The following CASZ1 variants were observed in gnomAD, a reference collection of about 807,000 sequenced individuals.
CASZ1 encodes the protein zinc finger protein castor homolog 1.
CASZ1 carries 28 observed loss-of-function variants against 135.2 expected under a neutral mutation model. The observed-to-expected ratio is 0.21, with a 90% confidence interval of 0.15 to 0.28. CASZ1 has a LOEUF of 0.28. Among genes scored for constraint, CASZ1 ranks in the 10% least tolerant of loss-of-function variants. The pLI, the probability that CASZ1 is intolerant of heterozygous loss-of-function variation, is 1.00. For synonymous variants in CASZ1, 1,068 were observed against 1,073.4 expected, an observed-to-expected ratio of 0.99 and a Z score of 0.10; for missense variants, 2,161 against 2,453.3, an observed-to-expected ratio of 0.88 and a Z score of 2.52.
chr1:10,640,054 T>C lies in CASZ1; in HGVS notation c.4168A>G (p.Thr1390Ala), dbSNP rs1642150018. Residue 1390 changes from threonine (T) to alanine (A), a missense_variant, in exon 21 of 21, where the codon ACC becomes GCC. Physicochemically the swap from Thr to Ala is moderately conservative, Grantham distance 58. Coordinates refer to ENST00000377022, the MANE Select transcript of CASZ1 (RefSeq NM_001079843.3). ...CCCGAGGCTGTCGGCATAGAGATGG[T>C]GTTCCCTGGGGAGGGGCAGGGAGGT... The part of the protein sequence containing the change: ...VGNESTAAGN[T>A]ISMPTASGAK... 6.2e-7 allele frequency: 1 copy of C among 1,605,306 alleles called. No individual in the cohort carries two copies. The highest frequency in any genetic ancestry group is 1.3e-5 in the African/African-American group (1 of 74,890).
chr1:10,674,540 A>C (rs1461544893), intron 4 of CASZ1, among the ~76,000 whole-genome samples: 3 of 152,250 alleles, frequency 2.0e-5, no homozygotes, highest in African/African-American at 7.2e-5. Context: ...TCATCACTTC[A>C]GCGTCTTCCC....
Position 10,639,167 on chromosome 1 carries a change from C to T in CASZ1, c.5055G>A (p.Pro1685=). ...QEDEEEELEL[P]EEEAEDDEDE... is the part of the protein sequence containing the mutation. ...CCTCGTCGTCTTCGGCCTCCTCCTC[C>T]GGCAGCTCCAGCTCCTCCTCCTCGT... is the stretch of plus-strand genomic sequence containing the variant. Residue 1685 remains proline (P), a synonymous_variant, in exon 21 of 21, where the codon CCG becomes CCA. Coordinates refer to ENST00000377022, the MANE Select transcript of CASZ1 (RefSeq NM_001079843.3). This position sits in a 1 kb window ranked among gnomAD's most constrained non-coding sequence, Gnocchi z 4.0. The T allele has an allele frequency of 1.9e-6, 2 of 1,052,570 alleles. No individual in the cohort carries two copies. Among genetic ancestry groups the T allele is most frequent in the Non-Finnish European group, 2.3e-6 (2 of 860,850 alleles). 65.2% of individuals were successfully genotyped at this position (1,052,570 alleles called of 1,614,324 possible).
chr1:10,786,632 T>C (rs142078608), intron 1 of CASZ1, among the ~76,000 whole-genome samples: 3 of 152,346 alleles, frequency 2.0e-5, no homozygotes, highest in South Asian at 2.1e-4. Context: ...AGGTAGGTAC[T>C]ATTATGCCCA....
chr1:10,705,237 C>T (rs1211667971), intron 3 of CASZ1, among the ~76,000 whole-genome samples: 1 of 152,252 alleles, frequency 6.6e-6, no homozygotes, highest in African/African-American at 2.4e-5. Flanking sequence ...ACGTTCCTTC[C>T]CCAAAGTCTG....
intron 2 of CASZ1, among the ~76,000 whole-genome samples, chr1:10,715,532 G>A (rs1272847589): frequency 3.0e-4 from 31 of 101,732 alleles, no homozygotes; most frequent in Non-Finnish European, 3.7e-4. Context: ...CACCCAATCC[G>A]CCCCCCACAG....
intron 1 of CASZ1, among the ~76,000 whole-genome samples, chr1:10,793,781 C>T (rs1335967141): frequency 1.3e-5 from 2 of 152,094 alleles, no homozygotes; most frequent in Non-Finnish European, 2.9e-5. Flanking sequence ...GAGATGGTGG[C>T]TACCTCCTGG....
intron 1 of CASZ1, among the ~76,000 whole-genome samples, chr1:10,786,068 C>T (rs1318704260): frequency 2.6e-5 from 4 of 152,210 alleles, no homozygotes; most frequent in African/African-American, 9.6e-5. Flanking sequence ...CCTCCATCTG[C>T]GAGGCGCTCT....
chr1:10,780,848 A>G (rs17035713), intron 1 of CASZ1, among the ~76,000 whole-genome samples: 16,186 of 152,204 alleles, frequency 0.11, 1,333 homozygotes, highest in East Asian at 0.43. Flanking sequence ...TGCCAGGTAC[A>G]ATGGGAATCG....
chr1:10,652,070 A>G (rs1642610376), intron 11 of CASZ1: 1 of 152,238 alleles, frequency 6.6e-6, no homozygotes, highest in African/African-American at 2.4e-5. Flanking sequence ...TGGGCCTGTG[A>G]GAGTTTTCAG....
intron 1 of CASZ1, among the ~76,000 whole-genome samples, chr1:10,783,098 G>A (rs993898917): frequency 5.9e-5 from 9 of 152,212 alleles, no homozygotes; most frequent in East Asian, 1.9e-4. Context: ...GGCAATGTCC[G>A]GGAATCAACA....
chr1:10,672,083 C>T (rs1330895230), intron 4 of CASZ1, among the ~76,000 whole-genome samples: 1 of 152,210 alleles, frequency 6.6e-6, no homozygotes, highest in Non-Finnish European at 1.5e-5. Context: ...GCCCAGGCCA[C>T]CTCCTTTCCC....
In CASZ1 at chr1:10,692,652, C is replaced by T. The variant is rs559585691; in HGVS notation, c.16+1222G>A. Among the ~76,000 whole-genome samples, 11 of 152,342 alleles carry T rather than the reference C, an allele frequency of 7.2e-5. No homozygotes were observed. The East Asian group carries it at 2.1e-3, about 29-fold the overall frequency. On this transcript the variant is annotated intron_variant, in intron 4 of 20. Coordinates refer to ENST00000377022, the MANE Select transcript of CASZ1 (RefSeq NM_001079843.3). Reference sequence around the variant, plus strand: ...GGTGTCACACAGTCCTCAAACTCTGCAAATGACACCTCCCCCCAACAAACA... The same window carrying T: ...GGTGTCACACAGTCCTCAAACTCTGTAAATGACACCTCCCCCCAACAAACA...
intron 2 of CASZ1, among the ~76,000 whole-genome samples, chr1:10,742,632 A>G (rs963022707): frequency 2.6e-5 from 4 of 152,240 alleles, no homozygotes; most frequent in Non-Finnish European, 4.4e-5. Context: ...GTCAGGGTCA[A>G]GCCCTTATCT....
In CASZ1 at chr1:10,654,040, C is replaced by T. The variant is rs143974084; in HGVS notation, c.2017G>A (p.Ala673Thr). Residue 673 changes from alanine (A) to threonine (T), a missense_variant, in exon 11 of 21, where the codon GCC becomes ACC. Ala to Thr is a moderately conservative substitution (Grantham distance 58). Around this residue, in one of 7 missense-constraint regions of CASZ1, gnomAD observed 248 missense variants for 410.8 expected, o/e 0.60. Coordinates refer to ENST00000377022, the MANE Select transcript of CASZ1 (RefSeq NM_001079843.3). ...KATNHFHCIR[A>T]GCGFTFTSTS... The stretch of plus-strand genomic sequence containing the variant: ...GAGGTGAAGGTGAAGCCGCAGCCGG[C>T]GCGGATGCAGTGGAAGTGGTTGGTA... 9.9e-6 allele frequency: 16 copies of T among 1,614,104 alleles called. No homozygotes were observed. The highest frequency in any genetic ancestry group is 1.2e-5 in the Non-Finnish European group (14 of 1,180,040).
chr1:10,738,633 C>T (rs1182538611), intron 2 of CASZ1, among the ~76,000 whole-genome samples: 3 of 152,198 alleles, frequency 2.0e-5, no homozygotes, highest in African/African-American at 4.8e-5. Flanking sequence ...AGAGGCAGGG[C>T]CTCGACCCAA....
chr1:10,771,059 A>C (rs1337776073), intron 1 of CASZ1, among the ~76,000 whole-genome samples: 1 of 152,226 alleles, frequency 6.6e-6, no homozygotes, highest in Non-Finnish European at 1.5e-5. Context: ...TTCCCTTGAA[A>C]GGTCAGAGAT....
chr1:10,643,886 T>C (rs897214208), intron 18 of CASZ1, among the ~76,000 whole-genome samples: 1 of 152,186 alleles, frequency 6.6e-6, no homozygotes, highest in African/African-American at 2.4e-5. Context: ...ACACCACAAG[T>C]TGAGTAAATA....
intron 2 of CASZ1, among the ~76,000 whole-genome samples, chr1:10,760,149 A>G (rs1214413873): frequency 6.6e-6 from 1 of 152,208 alleles, no homozygotes; most frequent in Non-Finnish European, 1.5e-5. Context: ...GAAGGGTCCT[A>G]TTTGGGCCGG....
At chr1:10,650,513 A>G in intron 13 of CASZ1, 179 bp downstream of exon 13, 1 of 581,266 alleles carries the variant, frequency 1.7e-6, no homozygotes, top group East Asian at 2.9e-5. Context: ...TCATTAAATT[A>G]ATTTGTAAGC....
Sources: gnomAD v4.1 joint callset for allele counts (sites outside exome capture counted in the v4.1 genomes callset) on GRCh38, gnomAD v4.1.1 for gene constraint, gnomAD v4.1.1 regional missense constraint, Gnocchi (gnomAD v3.1) non-coding constraint, MANE v1.5 for transcripts, NCBI Gene and HGNC (gene_info 2026-07-23, HGNC 2026-07-21) for gene names.